The following KIF26B variants were observed in gnomAD, a reference collection of about 807,000 sequenced individuals.
The protein encoded by KIF26B is kinesin family member 26B.
A neutral mutation model predicts 151.2 loss-of-function variants in KIF26B; 63 were observed. That is an observed-to-expected ratio of 0.42 (90% CI 0.34 to 0.51). The LOEUF is 0.51. KIF26B is among the 20% of genes least tolerant of loss of function. The pLI is 0.07. For synonymous variants in KIF26B, 1,357 were observed against 1,262.1 expected, an observed-to-expected ratio of 1.08 and a Z score of -1.59; for missense variants, 2,813 against 2,913.6, an observed-to-expected ratio of 0.97 and a Z score of 0.79.
At chr1:245,639,218 G>A (rs552537708) in intron 9 of KIF26B, among the ~76,000 whole-genome samples, 2 of 151,734 alleles carry the variant, frequency 1.3e-5, no homozygotes, top group South Asian at 4.2e-4. Flanking sequence ...TATGTTTCCA[G>A]GAATTTTTCC....
intron 4 of KIF26B, among the ~76,000 whole-genome samples, chr1:245,433,291 C>T (rs1658823894): frequency 7.8e-6 from 1 of 128,694 alleles, no homozygotes; most frequent in African/African-American, 3.0e-5. Context: ...TAGTGAAGCC[C>T]CATCTCTACT....
intron 5 of KIF26B, among the ~76,000 whole-genome samples, chr1:245,600,708 A>T (rs1160131343): frequency 6.6e-6 from 1 of 151,276 alleles, no homozygotes; most frequent in Non-Finnish European, 1.5e-5. Flanking sequence ...CGTGGCACCC[A>T]TGCCTGTAAA....
At chr1:245,357,137 C>T (rs1454210157) in intron 2 of KIF26B, among the ~76,000 whole-genome samples, 2 of 152,128 alleles carry the variant, frequency 1.3e-5, no homozygotes, top group East Asian at 1.9e-4. Context: ...TCCTGCAGAG[C>T]CCATGGCAGG....
At chr1:245,630,093 C>A (rs1054666861) in intron 9 of KIF26B, among the ~76,000 whole-genome samples, 1 of 151,926 alleles carries the variant, frequency 6.6e-6, no homozygotes, top group African/African-American at 2.4e-5. Flanking sequence ...TAGATGGTGG[C>A]AAGGCTGTGG....
intron 2 of KIF26B, among the ~76,000 whole-genome samples, chr1:245,206,089 C>T (rs900099581): frequency 1.5e-4 from 23 of 152,010 alleles, no homozygotes; most frequent in Admixed American, 2.6e-4. Context: ...GAGAACCAGG[C>T]GGGGCACCCA....
intron 5 of KIF26B, among the ~76,000 whole-genome samples, chr1:245,556,271 C>G (rs1662025738): frequency 1.1e-5 from 1 of 91,072 alleles, no homozygotes; most frequent in African/African-American, 4.0e-5. Flanking sequence ...CCCTCCTCCT[C>G]CTCTTCTTCT....
intron 5 of KIF26B, among the ~76,000 whole-genome samples, chr1:245,553,537 T>A (rs1661943324): frequency 6.6e-6 from 1 of 152,236 alleles, no homozygotes; most frequent in Admixed American, 6.5e-5. Context: ...TATATATGAA[T>A]ATTTTTTATG....
At chr1:245,159,261 A>G (rs1224527436) in intron 2 of KIF26B, among the ~76,000 whole-genome samples, 1 of 152,218 alleles carries the variant, frequency 6.6e-6, no homozygotes, top group Non-Finnish European at 1.5e-5. Flanking sequence ...TAGAGTGTTA[A>G]ATTCTACTAG....
chr1:245,647,440 A>AAG (rs1553300143), intron 10 of KIF26B, among the ~76,000 whole-genome samples: 21 of 151,008 alleles, frequency 1.4e-4, no homozygotes, highest in African/African-American at 4.9e-4. Context: ...AAAAAAAAAA[A>AAG]AAAGAAAAAA....
At chr1:245,484,200 G>A (rs1490414413) in intron 4 of KIF26B, among the ~76,000 whole-genome samples, 2 of 151,782 alleles carry the variant, frequency 1.3e-5, no homozygotes, top group Non-Finnish European at 2.9e-5. Flanking sequence ...CTTAATAAGT[G>A]TTAATAATGC....
chr1:245,251,840 CT>C (rs1328099256), intron 2 of KIF26B, among the ~76,000 whole-genome samples: 2 of 151,998 alleles, frequency 1.3e-5, no homozygotes. Flanking sequence ...TGATTCTTGG[CT>C]CTTATGACTG....
At chr1:245,596,884 G>T (rs1382803749) in intron 5 of KIF26B, among the ~76,000 whole-genome samples, 2 of 152,138 alleles carry the variant, frequency 1.3e-5, no homozygotes, top group African/African-American at 4.8e-5. Flanking sequence ...TTACCATTAT[G>T]TAACGCCTTA....
At position 245,167,796 on chromosome 1, in the gene KIF26B, C is replaced by T. The variant is rs1890183; in HGVS notation, c.465+11113C>T. On this transcript the variant is annotated intron_variant, in intron 2 of 14. Coordinates refer to ENST00000407071, the MANE Select transcript of KIF26B (RefSeq NM_018012.4). This position sits in a 1 kb window ranked among gnomAD's most constrained non-coding sequence, Gnocchi z 4.2. ...AATTAGAGCATCAGGTGTCCTTTAC[C>T]AAGACAGGCAGCGTGGTGATGGGGG... Among the ~76,000 whole-genome samples the T allele has an allele frequency of 0.033, 5,035 of 151,964 alleles. 282 individuals are homozygous for T. The highest frequency in any genetic ancestry group is 0.15 in the Admixed American group (2,359 of 15,240).
At chr1:245,484,746 C>CTCTTCTTCTTCT (rs150455383) in intron 4 of KIF26B, among the ~76,000 whole-genome samples, 16 of 145,476 alleles carry the variant, frequency 1.1e-4, no homozygotes, top group African/African-American at 4.1e-4. Flanking sequence ...TCTCCTCTTC[C>CTCTTCTTCTTCT]TCTTCTTCTT....
chr1:245,652,092 A>G (rs2044022246), intron 10 of KIF26B, among the ~76,000 whole-genome samples: 1 of 141,604 alleles, frequency 7.1e-6, no homozygotes, highest in African/African-American at 2.6e-5. Context: ...GGAGAGGTTC[A>G]TGTAAGAATC....
At chr1:245,632,997 T>C (rs71636581) in intron 9 of KIF26B, among the ~76,000 whole-genome samples, 6,638 of 152,318 alleles carry the variant, frequency 0.044, 202 homozygotes, top group Middle Eastern at 0.11. Flanking sequence ...ATAATTGTTT[T>C]ATATAATATA....
intron 5 of KIF26B, among the ~76,000 whole-genome samples, chr1:245,595,968 C>G (rs146284473): frequency 1.3e-5 from 2 of 152,304 alleles, no homozygotes; most frequent in East Asian, 3.9e-4. Context: ...TCATAGTATT[C>G]TCTGACGGTA....
chr1:245,405,619 ATGT>A (rs1351860052), intron 3 of KIF26B, among the ~76,000 whole-genome samples: 1 of 133,048 alleles, frequency 7.5e-6, no homozygotes, highest in Admixed American at 6.9e-5. Flanking sequence ...TGTCCTATTG[ATGT>A]TGTTTTTTTT....
At chr1:245,164,585 C>T (rs1339938661) in intron 2 of KIF26B, among the ~76,000 whole-genome samples, 1 of 152,300 alleles carries the variant, frequency 6.6e-6, no homozygotes, top group East Asian at 1.9e-4. Flanking sequence ...GTGATGCGTG[C>T]CCCCTACATA....
Sources: allele counts gnomAD v4.1 joint callset (sites outside exome capture counted in the v4.1 genomes callset), GRCh38; gene constraint gnomAD v4.1.1; non-coding constraint Gnocchi (gnomAD v3.1); transcripts MANE v1.5; gene names NCBI Gene and HGNC (gene_info 2026-07-23, HGNC 2026-07-21).